Variants in UNC5D observed in about 807,000 individuals in gnomAD.
UNC5D encodes the protein unc-5 netrin receptor D, also known as netrin receptor UNC5D.
UNC5D carries 39 observed loss-of-function variants against 105.4 expected under a neutral mutation model. That is an observed-to-expected ratio of 0.37 (90% confidence interval 0.29 to 0.48). The LOEUF (loss-of-function observed/expected upper bound fraction) is 0.48, where lower values mean the gene tolerates loss of function less well. UNC5D is among the 20% of genes least tolerant of loss of function. The probability of loss-of-function intolerance (pLI) is 0.98; values close to 1 mark genes in which losing one functional copy is unlikely to be tolerated. For synonymous variants in UNC5D, 452 were observed against 450.4 expected (o/e 1.00, Z -0.04); for missense variants, 991 against 1,202.4 (o/e 0.82, Z 2.60).
chr8:35,460,440 C>T (rs1808808886), intron 1 of UNC5D, among the ~76,000 whole-genome samples: 1 of 152,136 alleles, frequency 6.6e-6, no homozygotes, highest in Non-Finnish European at 1.5e-5. Context: ...AAAGCCTGAA[C>T]TTGTTAACTG....
chr8:35,494,795 C>A (rs1199249095), intron 1 of UNC5D, among the ~76,000 whole-genome samples: 1 of 152,134 alleles, frequency 6.6e-6, no homozygotes, highest in Non-Finnish European at 1.5e-5. Flanking sequence ...AGTTCTTTAT[C>A]TTTCCAATAG....
chr8:35,397,790 C>G (rs1388552855), intron 1 of UNC5D, among the ~76,000 whole-genome samples: 1 of 152,144 alleles, frequency 6.6e-6, no homozygotes, highest in Non-Finnish European at 1.5e-5. Context: ...CATTTGCCTT[C>G]CTAATTTAAT....
intron 1 of UNC5D, among the ~76,000 whole-genome samples, chr8:35,360,302 A>G (rs1801790977): frequency 6.6e-6 from 1 of 152,218 alleles, no homozygotes; most frequent in South Asian, 2.1e-4. Flanking sequence ...ATTGTAACAT[A>G]TTGAATTCCT....
At chr8:35,343,860 C>T (rs949851111) in intron 1 of UNC5D, among the ~76,000 whole-genome samples, 8 of 152,046 alleles carry the variant, frequency 5.3e-5, no homozygotes, top group African/African-American at 1.9e-4. Flanking sequence ...TTTTAAAATT[C>T]TATTTAAGGA....
At chr8:35,450,788 C>T (rs1161385684) in intron 1 of UNC5D, among the ~76,000 whole-genome samples, 1 of 152,156 alleles carries the variant, frequency 6.6e-6, no homozygotes, top group Non-Finnish European at 1.5e-5. Flanking sequence ...TACACCTATT[C>T]TGTTTCTCAC....
chr8:35,349,814 A>G (rs1812072810), intron 1 of UNC5D, among the ~76,000 whole-genome samples: 1 of 152,018 alleles, frequency 6.6e-6, no homozygotes, highest in South Asian at 2.1e-4. Flanking sequence ...ACTCAAGGGT[A>G]GAGACCTAAT....
intron 1 of UNC5D, among the ~76,000 whole-genome samples, chr8:35,443,673 A>AT (rs1807584282): frequency 6.6e-6 from 1 of 151,894 alleles, no homozygotes; most frequent in African/African-American, 2.4e-5. Flanking sequence ...TGGAAAGAAT[A>AT]TTTTTTATTA....
chr8:35,276,912 G>A (rs1024853673), intron 1 of UNC5D, among the ~76,000 whole-genome samples: 1 of 152,094 alleles, frequency 6.6e-6, no homozygotes, highest in Non-Finnish European at 1.5e-5. Context: ...GACAAAATAA[G>A]GTTTATCACC....
chr8:35,732,347 T>A (rs1290510535), intron 11 of UNC5D, among the ~76,000 whole-genome samples: 2 of 152,204 alleles, frequency 1.3e-5, no homozygotes, highest in Non-Finnish European at 2.9e-5. Flanking sequence ...GTGCAGGTTG[T>A]GCTATGTTGG....
intron 3 of UNC5D, among the ~76,000 whole-genome samples, chr8:35,576,629 T>G (rs1818105947): frequency 6.6e-6 from 1 of 152,124 alleles, no homozygotes; most frequent in African/African-American, 2.4e-5. Context: ...TTTGTTTGTT[T>G]TGAGACAGAG....
chr8:35,716,747 G>C (rs1009634329), intron 8 of UNC5D, among the ~76,000 whole-genome samples: 9 of 152,276 alleles, frequency 5.9e-5, no homozygotes, highest in African/African-American at 2.2e-4. Flanking sequence ...GATATTACGA[G>C]ATTCTAAAGA....
At chr8:35,760,772 C>CG (rs1801490750) in intron 14 of UNC5D, among the ~76,000 whole-genome samples, 1 of 144,714 alleles carries the variant, frequency 6.9e-6, no homozygotes, top group Non-Finnish European at 1.5e-5. Flanking sequence ...ATCCTTGCAG[C>CG]ATTTTTTTTT....
chr8:35,406,202 A>G (rs2128954262), intron 1 of UNC5D, among the ~76,000 whole-genome samples: 1 of 152,290 alleles, frequency 6.6e-6, no homozygotes, highest in South Asian at 2.1e-4. Flanking sequence ...TTTAAAAATA[A>G]CTGAATTATC....
intron 7 of UNC5D, among the ~76,000 whole-genome samples, chr8:35,696,816 G>C (rs56131202): frequency 0.03 from 4,614 of 152,172 alleles, 250 homozygotes; most frequent in African/African-American, 0.1. Flanking sequence ...ATTCTCCAGA[G>C]TGTCAGTACT....
chr8:35,478,294 A>G lies in UNC5D; in HGVS notation c.104-70998A>G, dbSNP rs115915399. On this transcript the variant is annotated intron_variant, in intron 1 of 16. Coordinates refer to ENST00000404895, the MANE Select transcript of UNC5D (RefSeq NM_080872.4). ...ACAGTGGTTTTAAATATTGATGATGACATTGTTCTTTCAGGTTGGTAACTA... is the reference window on the plus strand; with the variant it reads ...ACAGTGGTTTTAAATATTGATGATGGCATTGTTCTTTCAGGTTGGTAACTA... 5.5e-3 allele frequency among the ~76,000 whole-genome samples: 832 copies of G among 152,302 alleles called. 9 individuals are homozygous for G. Among genetic ancestry groups the G allele is most frequent in the African/African-American group, 0.019 (780 of 41,578 alleles).
chr8:35,303,994 A>G (rs182066652), intron 1 of UNC5D, among the ~76,000 whole-genome samples: 6 of 152,246 alleles, frequency 3.9e-5, no homozygotes, highest in Admixed American at 2.6e-4. Context: ...TAAAAAAACA[A>G]AGGCTATTAG....
chr8:35,501,743 C>T (rs773181331), intron 1 of UNC5D, among the ~76,000 whole-genome samples: 8 of 152,184 alleles, frequency 5.3e-5, no homozygotes, highest in Non-Finnish European at 1.0e-4. Flanking sequence ...GAATGTACTT[C>T]ATAAATATAA....
At chr8:35,729,907 C>G (rs1290542662) in intron 10 of UNC5D, among the ~76,000 whole-genome samples, 1 of 152,190 alleles carries the variant, frequency 6.6e-6, no homozygotes, top group Non-Finnish European at 1.5e-5. Context: ...AAATGTGAAT[C>G]ATAAATGACT....
chr8:35,539,068 C>T (rs1351274511), intron 1 of UNC5D, among the ~76,000 whole-genome samples: 2 of 152,026 alleles, frequency 1.3e-5, no homozygotes, highest in African/African-American at 4.8e-5. Flanking sequence ...AACACTGACA[C>T]ACCTGCAATC....
Sources: gnomAD v4.1 joint callset for allele counts (sites outside exome capture counted in the v4.1 genomes callset) on GRCh38, gnomAD v4.1.1 for gene constraint, MANE v1.5 for transcripts, NCBI Gene and HGNC (gene_info 2026-07-23, HGNC 2026-07-21) for gene names.